Variants in ERI1 observed in about 807,000 individuals in gnomAD.
ERI1 encodes 3'-5' exoribonuclease 1.
ERI1 carries 39 observed loss-of-function variants against 39.7 expected under a neutral mutation model. The ratio of observed to expected loss-of-function variants is 0.98; its 90% CI spans 0.76 to 1.28. The LOEUF (loss-of-function observed/expected upper bound fraction) is 1.28, where lower values mean the gene tolerates loss of function less well. Among genes scored for constraint, ERI1 ranks in the 50% most tolerant of loss-of-function variants. The pLI, the probability that ERI1 is intolerant of heterozygous loss-of-function variation, is 0.00. For synonymous variants in ERI1, 204 were observed against 149.6 expected, an observed-to-expected ratio of 1.36 and a Z score of -2.65; for missense variants, 581 against 416.9, an observed-to-expected ratio of 1.39 and a Z score of -3.43.
intron 3 of ERI1, among the ~76,000 whole-genome samples, chr8:9,086,579 TTTGACCCA>T (rs1183666585): frequency 2.0e-5 from 3 of 152,144 alleles, no homozygotes; most frequent in African/African-American, 7.2e-5. Context: ...ATTCATTCTG[TTTGACCCA>T]TAGTTTGACT....
At position 9,011,553 on chromosome 8, in the gene ERI1, A is replaced by C. The variant is rs759632418; in HGVS notation, c.299A>C (p.Asp100Ala). Residue 100 changes from aspartate (D) to alanine (A), a missense_variant, in exon 3 of 7, where the codon GAT (aspartate) becomes GCT (alanine). Asp to Ala is a moderately radical substitution (Grantham distance 126). Coordinates refer to ENST00000250263, the MANE Select transcript of ERI1 (RefSeq NM_153332.4). ...EFKLETRGVK[D>A]VLKKRLKNYY... ...CTTCTTCTACTTAGAGGAGTAAAGG[A>C]TGTTCTAAAGAAGAGACTGAAAAAC... 1 of 1,606,096 alleles carries C rather than the reference A, an allele frequency of 6.2e-7. No individual in the cohort carries two copies. The highest frequency in any genetic ancestry group is 1.7e-5 in the Admixed American group (1 of 58,710).
At chr8:9,043,214 T>C (rs1798078644) in intron 3 of ERI1, among the ~76,000 whole-genome samples, 1 of 152,232 alleles carries the variant, frequency 6.6e-6, no homozygotes, top group Admixed American at 6.5e-5. Context: ...CACTTGTGTC[T>C]TCTTGAAACT....
At chr8:9,063,250 GC>G (rs1798762684) in intron 3 of ERI1, among the ~76,000 whole-genome samples, 2 of 152,184 alleles carry the variant, frequency 1.3e-5, no homozygotes, top group African/African-American at 4.8e-5. Context: ...TGCTAAAGGG[GC>G]CATGAACTGG....
At chr8:9,053,970 A>G (rs775715046) in intron 3 of ERI1, among the ~76,000 whole-genome samples, 1 of 152,192 alleles carries the variant, frequency 6.6e-6, no homozygotes, top group Admixed American at 6.5e-5. Context: ...AGTGAAAGGA[A>G]ATATGTCTGT....
chr8:9,073,416 G>C (rs78030177), intron 3 of ERI1, among the ~76,000 whole-genome samples: 6,200 of 152,282 alleles, frequency 0.041, 185 homozygotes, highest in Non-Finnish European at 0.066. Flanking sequence ...ATACAGTTGG[G>C]GGTGTCTGGG....
At chr8:9,087,432 T>G (rs1374385068) in intron 3 of ERI1, among the ~76,000 whole-genome samples, 6 of 49,186 alleles carry the variant, frequency 1.2e-4, no homozygotes, top group African/African-American at 2.2e-4. Flanking sequence ...TTTTTTTTTT[T>G]TTTGATTTTT....
intron 3 of ERI1, among the ~76,000 whole-genome samples, chr8:9,075,391 C>T (rs1417610701): frequency 1.3e-5 from 2 of 151,746 alleles, no homozygotes; most frequent in South Asian, 2.1e-4. Flanking sequence ...GAGAGATTAC[C>T]GAGGAGTTTG....
chr8:9,041,883 C>T (rs893965275), intron 3 of ERI1, among the ~76,000 whole-genome samples: 2 of 152,142 alleles, frequency 1.3e-5, no homozygotes, highest in African/African-American at 2.4e-5. Flanking sequence ...TACAGGCATG[C>T]ACCACCACGC....
At chr8:9,078,231 C>G (rs770621820) in intron 3 of ERI1, among the ~76,000 whole-genome samples, 2 of 152,190 alleles carry the variant, frequency 1.3e-5, no homozygotes, top group Non-Finnish European at 2.9e-5. Context: ...CTCAAGCAAT[C>G]CACCCACTTT....
At chr8:9,045,284 C>T (rs954525786) in intron 3 of ERI1, among the ~76,000 whole-genome samples, 3 of 150,336 alleles carry the variant, frequency 2.0e-5, no homozygotes, top group African/African-American at 7.3e-5. Context: ...CAGCCCTAAG[C>T]TGGCTTCTCA....
chr8:9,069,595 G>A (rs1216946810), intron 3 of ERI1, among the ~76,000 whole-genome samples: 1 of 152,122 alleles, frequency 6.6e-6, no homozygotes, highest in Non-Finnish European at 1.5e-5. Context: ...AGAAGACAAT[G>A]CTTTCACTCA....
intron 3 of ERI1, among the ~76,000 whole-genome samples, chr8:9,014,178 C>G (rs567479001): frequency 6.6e-6 from 1 of 152,268 alleles, no homozygotes; most frequent in South Asian, 2.1e-4. Flanking sequence ...CATTCCACTC[C>G]AGGCATACTG....
chr8:9,086,809 A>T (rs1439478863), intron 3 of ERI1, among the ~76,000 whole-genome samples: 1 of 152,222 alleles, frequency 6.6e-6, no homozygotes, highest in Admixed American at 6.5e-5. Flanking sequence ...GGCTTGGATA[A>T]ATACTCATAC....
chr8:9,017,072 C>G (rs1185538752), intron 4 of ERI1, among the ~76,000 whole-genome samples: 3 of 152,102 alleles, frequency 2.0e-5, no homozygotes, highest in Admixed American at 6.5e-5. Context: ...TGGAGTCTCA[C>G]TCTGTTGCCC....
At chr8:9,083,560 A>G (rs142368670) in intron 3 of ERI1, among the ~76,000 whole-genome samples, 2 of 152,126 alleles carry the variant, frequency 1.3e-5, no homozygotes, top group African/African-American at 4.8e-5. Context: ...CTCATAATCA[A>G]TACTGCCTCA....
intron 3 of ERI1, among the ~76,000 whole-genome samples, chr8:9,052,364 G>A (rs773304254): frequency 1.4e-4 from 21 of 151,434 alleles, no homozygotes; most frequent in Non-Finnish European, 2.1e-4. Flanking sequence ...TGAGTCAGGC[G>A]TCTCTTGCTA....
intron 3 of ERI1, among the ~76,000 whole-genome samples, chr8:9,091,008 G>A (rs1799684315): frequency 6.6e-6 from 1 of 151,898 alleles, no homozygotes; most frequent in South Asian, 2.1e-4. Context: ...ATTCAGCAAG[G>A]GACACCAATG....
intron 3 of ERI1, among the ~76,000 whole-genome samples, chr8:9,045,676 ATTTT>A (rs34131409): frequency 2.2e-5 from 3 of 138,340 alleles, no homozygotes; most frequent in Admixed American, 7.3e-5. Context: ...AATCTATAGA[ATTTT>A]TTTTTTTTTT....
At chr8:9,042,416 G>T (rs1798054271) in intron 3 of ERI1, among the ~76,000 whole-genome samples, 1 of 152,140 alleles carries the variant, frequency 6.6e-6, no homozygotes, top group South Asian at 2.1e-4. Context: ...TATACATTAA[G>T]AAACAAACAG....
Sources: allele counts gnomAD v4.1 joint callset (sites outside exome capture counted in the v4.1 genomes callset), GRCh38; gene constraint gnomAD v4.1.1; transcripts MANE v1.5; gene names NCBI Gene and HGNC (gene_info 2026-07-23, HGNC 2026-07-21).